The following KALRN variants were observed in gnomAD, a reference collection of about 807,000 sequenced individuals.
KALRN encodes kalirin.
Under a neutral mutation model 353.7 loss-of-function variants are expected in KALRN, and 70 were observed. The ratio of observed to expected loss-of-function variants is 0.20; its 90% confidence interval spans 0.16 to 0.24. The LOEUF is 0.24. Ranked by LOEUF, KALRN falls within the 10% of genes least tolerant of loss-of-function variation. The pLI is 1.00. For missense variants in KALRN, 2,791 were observed against 3,756.7 expected (o/e 0.74, Z 6.72); for synonymous variants, 1,391 against 1,434.8 (o/e 0.97, Z 0.69).
chr3:124,331,581 T>C (rs145583961), intron 8 of KALRN, among the ~76,000 whole-genome samples: 3 of 152,288 alleles, frequency 2.0e-5, no homozygotes, highest in African/African-American at 7.2e-5. Flanking sequence ...ACGAAGGACT[T>C]ACAAGCCAAA....
chr3:124,692,936 A>G (rs1007524433), intron 51 of KALRN, among the ~76,000 whole-genome samples: 1 of 152,208 alleles, frequency 6.6e-6, no homozygotes, highest in Non-Finnish European at 1.5e-5. Flanking sequence ...GGGAAAAGTG[A>G]CCATCTCCTC....
chr3:124,201,159 G>A (rs575662689), intron 1 of KALRN, among the ~76,000 whole-genome samples: 9 of 152,362 alleles, frequency 5.9e-5, no homozygotes, highest in East Asian at 3.9e-4. Flanking sequence ...CAAAGGCCAC[G>A]TATAAGACAA....
At chr3:124,477,367 T>C in intron 27 of KALRN, 33 bp downstream of exon 27, 2 of 1,475,384 alleles carry the variant, frequency 1.4e-6, no homozygotes, top group Non-Finnish European at 1.9e-6. Context: ...GAGCAGCTGA[T>C]GAGCAGGTGG....
At chr3:124,347,028 G>T in intron 9 of KALRN, 115 bp from the exon 10 acceptor site, 1 of 1,492,836 alleles carries the variant, frequency 6.7e-7, no homozygotes, top group South Asian at 1.3e-5. Flanking sequence ...CTGAACTGCT[G>T]CTTTACAACT....
At chr3:124,634,194 T>G (rs1487939618) in intron 36 of KALRN, among the ~76,000 whole-genome samples, 1 of 152,206 alleles carries the variant, frequency 6.6e-6, no homozygotes, top group Non-Finnish European at 1.5e-5. Flanking sequence ...ATCTGCCTGG[T>G]GTCTTGTCCT....
intron 33 of KALRN, among the ~76,000 whole-genome samples, chr3:124,560,869 C>T (rs376339113): frequency 6.6e-6 from 1 of 152,084 alleles, no homozygotes; most frequent in East Asian, 1.9e-4. Context: ...AGAATGAGAC[C>T]CTGTCTGGGG....
chr3:124,591,820 C>G (rs2075804941), intron 34 of KALRN, among the ~76,000 whole-genome samples: 2 of 152,168 alleles, frequency 1.3e-5, no homozygotes, highest in Admixed American at 1.3e-4. Flanking sequence ...ATTTAATGGC[C>G]CTGGCTCAAA....
At chr3:124,520,280 C>A (rs2109000333) in intron 33 of KALRN, among the ~76,000 whole-genome samples, 1 of 152,140 alleles carries the variant, frequency 6.6e-6, no homozygotes, top group East Asian at 1.9e-4. Context: ...TCAGCACGTT[C>A]AAGTGATAAT....
At chr3:124,039,412 G>A (rs1257316804) in intron 1 of KALRN, among the ~76,000 whole-genome samples, 1 of 152,098 alleles carries the variant, frequency 6.6e-6, no homozygotes, top group Non-Finnish European at 1.5e-5. Flanking sequence ...GAAGTTATTT[G>A]TTCTTTGGAG....
At chr3:124,572,864 C>T (rs577608148) in intron 34 of KALRN, among the ~76,000 whole-genome samples, 3 of 151,988 alleles carry the variant, frequency 2.0e-5, no homozygotes, top group Non-Finnish European at 4.4e-5. Flanking sequence ...AGAGCGAGAC[C>T]CCGTCTCTAG....
rs115615769 is a variant in KALRN at position 124,696,610 on chromosome 3, G to A, written c.7699+355G>A. Among the ~76,000 whole-genome samples the A allele has an allele frequency of 3.5e-3, 537 of 152,268 alleles. 2 individuals carry two copies. The highest frequency in any genetic ancestry group is 0.014 in the Middle Eastern group (4 of 294). ...TGCCCAGGCTGGTCTCAAACTCCAA[G>A]GCTAACGCAATCCTCCCGTCTTGGC... On this transcript the variant is annotated intron_variant, in intron 54 of 59. Coordinates refer to ENST00000682506, the MANE Select transcript of KALRN (RefSeq NM_001388419.1).
intron 1 of KALRN, among the ~76,000 whole-genome samples, chr3:124,144,554 A>C (rs1268663228): frequency 1.5e-3 from 180 of 120,524 alleles, no homozygotes; most frequent in African/African-American, 1.9e-3. Flanking sequence ...CTTCCTCATC[A>C]TCCTCCTCCT....
chr3:124,670,292 A>G (rs1415905063), intron 47 of KALRN, among the ~76,000 whole-genome samples: 1 of 152,190 alleles, frequency 6.6e-6, no homozygotes. Flanking sequence ...CCCTTCCCAT[A>G]TATTTTCAAT....
rs1577511539 is a variant in KALRN, at chr3:124,044,954, G to A, written c.73+11141G>A. On this transcript the variant is annotated intron_variant, in intron 1 of 59. Coordinates refer to ENST00000682506, the MANE Select transcript of KALRN (RefSeq NM_001388419.1). Reference sequence around the variant, plus strand: ...TTCTCTTCATTCATTTGGTAACAGTGTGGAGATAGGGTTATGATTTTTAAA... The same window carrying A: ...TTCTCTTCATTCATTTGGTAACAGTATGGAGATAGGGTTATGATTTTTAAA... Among the ~76,000 whole-genome samples, 5 of 138,994 alleles carry A rather than the reference G, an allele frequency of 3.6e-5. No individual in the cohort carries two copies. The East Asian group carries it at 1.1e-3, about 31-fold the overall frequency. The allele number at this position is 138,994 out of a possible 152,430, so 91.2% of individuals were successfully genotyped here.
rs1221019605 is a variant in KALRN, at chr3:124,490,289, ACACT to A, written c.4397-402_4397-399del. On this transcript the variant is annotated intron_variant, in intron 29 of 59. Transcript: ENST00000682506. ...AATGACACATAAAGAGGAGCTGAAG[ACACT>A]CAGTCAGGCAGTGTTTGTCCTCAAC... Among the ~76,000 whole-genome samples the A allele has an allele frequency of 3.9e-5, 6 of 152,342 alleles. No individual in the cohort carries two copies. In the South Asian group the frequency reaches 8.3e-4, roughly 21 times the overall value.
intron 3 of KALRN, among the ~76,000 whole-genome samples, chr3:124,259,333 G>A (rs1256022364): frequency 1.3e-5 from 2 of 152,202 alleles, no homozygotes; most frequent in Non-Finnish European, 2.9e-5. Flanking sequence ...ATTCAGAGAT[G>A]GTTACAGGCA....
At position 124,319,993 on chromosome 3, in the gene KALRN, C is replaced by CAATAAT. The variant is rs72147097; in HGVS notation, c.1093-5969_1093-5964dup. On this transcript the variant is annotated intron_variant, in intron 6 of 59. Coordinates refer to ENST00000682506, the MANE Select transcript of KALRN (RefSeq NM_001388419.1). ...TGGGCAACAGAGTGAGACTCCATCT[C>CAATAAT]AATAATAATAATAATAATAATAAGC... Among the ~76,000 whole-genome samples, 2,848 of 151,056 alleles carry CAATAAT rather than the reference C, an allele frequency of 0.019. 154 individuals are homozygous for CAATAAT. The East Asian group carries it at 0.2, about 10-fold the overall frequency.
intron 1 of KALRN, among the ~76,000 whole-genome samples, chr3:124,196,104 T>C (rs540721824): frequency 6.6e-5 from 10 of 152,218 alleles, no homozygotes; most frequent in Non-Finnish European, 1.5e-4. Context: ...CCCTCAGTGA[T>C]GTTTGCACAA....
At chr3:124,074,077 A>T (rs2060147067) in intron 1 of KALRN, among the ~76,000 whole-genome samples, 1 of 152,008 alleles carries the variant, frequency 6.6e-6, no homozygotes, top group African/African-American at 2.4e-5. Context: ...TAGGACAAGC[A>T]GACTAGATGG....
Sources: gnomAD v4.1 joint callset for allele counts (sites outside exome capture counted in the v4.1 genomes callset) on GRCh38, gnomAD v4.1.1 for gene constraint, MANE v1.5 for transcripts, NCBI Gene and HGNC (gene_info 2026-07-23, HGNC 2026-07-21) for gene names.